Variants in CATSPERT observed in about 807,000 individuals in gnomAD.
The protein encoded by CATSPERT is cation channel sperm-associated targeting subunit tau.
chr2:201,543,378 C>T, the CATSPERT span, among the ~76,000 whole-genome samples: 1 of 152,100 alleles, frequency 6.6e-6, no homozygotes, highest in Non-Finnish European at 1.5e-5. Flanking sequence ...TTTTCTACTT[C>T]TGTGAAAAAC....
chr2:201,515,116 C>A, the CATSPERT span, among the ~76,000 whole-genome samples: 1 of 140,678 alleles, frequency 7.1e-6, no homozygotes, highest in African/African-American at 2.6e-5. Context: ...CTTTCACACT[C>A]AAAAAAATTA....
chr2:201,535,658 G>C, the CATSPERT span: 28 of 1,174,628 alleles, frequency 2.4e-5, no homozygotes, highest in Non-Finnish European at 4.2e-6. Context: ...TGCTTTTCTT[G>C]AAAGTTTTTT....
At chr2:201,519,311 T>C in the CATSPERT span, among the ~76,000 whole-genome samples, 1 of 152,136 alleles carries the variant, frequency 6.6e-6, no homozygotes, top group African/African-American at 2.4e-5. Context: ...ACTGTGTCCA[T>C]CCAGAATCAA....
chr2:201,543,657 T>C, the CATSPERT span, among the ~76,000 whole-genome samples: 14 of 152,174 alleles, frequency 9.2e-5, no homozygotes, highest in African/African-American at 2.2e-4. Context: ...GGATAGTTCA[T>C]TGTTAGTGTA....
chr2:201,601,895 A>T, the CATSPERT span: 2 of 1,556,314 alleles, frequency 1.3e-6, no homozygotes, highest in Non-Finnish European at 1.8e-6. Flanking sequence ...CTGAAAATAG[A>T]ATGATATTCA....
chr2:201,612,901 A>G, the CATSPERT span, among the ~76,000 whole-genome samples: 1 of 152,196 alleles, frequency 6.6e-6, no homozygotes, highest in Non-Finnish European at 1.5e-5. Flanking sequence ...CCAGGACATT[A>G]TATCCCATGC....
chr2:201,518,508 G>A, the CATSPERT span, among the ~76,000 whole-genome samples: 1 of 152,190 alleles, frequency 6.6e-6, no homozygotes, highest in African/African-American at 2.4e-5. Flanking sequence ...ACCCACTGGT[G>A]GAAAATGGTA....
chr2:201,562,576 A>T, the CATSPERT span, among the ~76,000 whole-genome samples: 348 of 148,402 alleles, frequency 2.3e-3, 4 homozygotes, highest in Admixed American at 0.014. Flanking sequence ...GGGATTTGGC[A>T]GGGTCATAGG....
chr2:201,537,404 A>T, the CATSPERT span: 1 of 1,515,178 alleles, frequency 6.6e-7, no homozygotes, highest in Non-Finnish European at 9.0e-7. Flanking sequence ...TAAAATAATG[A>T]CTATTAAAAG....
the CATSPERT span, among the ~76,000 whole-genome samples, chr2:201,515,235 T>TAG: frequency 4.7e-3 from 371 of 78,486 alleles, 41 homozygotes; most frequent in African/African-American, 0.022. Flanking sequence ...TTTTTTTTTT[T>TAG]TTTTTTTTTT....
At chr2:201,495,971 T>G in the CATSPERT span, 1 of 1,563,170 alleles carries the variant, frequency 6.4e-7, no homozygotes, top group Non-Finnish European at 8.7e-7. Flanking sequence ...AAAAGCCACC[T>G]TATAAAAAAA....
the CATSPERT span, chr2:201,493,968 T>C: frequency 1.3e-6 from 2 of 1,537,038 alleles, no homozygotes; most frequent in Non-Finnish European, 1.7e-6. Context: ...GACCCCCTTC[T>C]GAAAGTGAAT....
At chr2:201,543,512 T>C in the CATSPERT span, among the ~76,000 whole-genome samples, 1 of 152,194 alleles carries the variant, frequency 6.6e-6, no homozygotes, top group Admixed American at 6.5e-5. Context: ...TATTTTCTTA[T>C]CCTTAATTTC....
chr2:201,545,628 GCAAAA>G, the CATSPERT span: 9 of 175,820 alleles, frequency 5.1e-5, no homozygotes, highest in Admixed American at 2.0e-4. Flanking sequence ...TTTCCTAGAA[GCAAAA>G]AAAAAAAAAA....
the CATSPERT span, among the ~76,000 whole-genome samples, chr2:201,506,268 A>AAAACAAAC: frequency 0.37 from 55,313 of 151,068 alleles, 10,253 homozygotes; most frequent in East Asian, 0.49. Context: ...CTCCGTCTCA[A>AAAACAAAC]AAACAAACAA....
At chr2:201,593,956 T>C in the CATSPERT span, among the ~76,000 whole-genome samples, 2 of 152,252 alleles carry the variant, frequency 1.3e-5, no homozygotes, top group African/African-American at 4.8e-5. Context: ...TGTCTTTTAA[T>C]TGGAGCATTT....
the CATSPERT span, among the ~76,000 whole-genome samples, chr2:201,586,963 C>T: frequency 6.6e-6 from 1 of 152,038 alleles, no homozygotes; most frequent in Non-Finnish European, 1.5e-5. Flanking sequence ...CTCCTTCCCC[C>T]CTTCTCCCTG....
chr2:201,537,839 A>G, the CATSPERT span, among the ~76,000 whole-genome samples: 1 of 152,160 alleles, frequency 6.6e-6, no homozygotes, highest in South Asian at 2.1e-4. Context: ...GGACCATTCA[A>G]GGAAGGCTGG....
chr2:201,618,535 A>T, the CATSPERT span, among the ~76,000 whole-genome samples: 882 of 136,338 alleles, frequency 6.5e-3, 8 homozygotes, highest in African/African-American at 0.023. Flanking sequence ...ACGGGGGGGG[A>T]ACATCACACA....
Sources: gnomAD v4.1 joint callset for allele counts (sites outside exome capture counted in the v4.1 genomes callset) on GRCh38, gnomAD v4.1.1 for gene constraint, MANE v1.5 for transcripts, NCBI Gene and HGNC (gene_info 2026-07-23, HGNC 2026-07-21) for gene names.